NDFIP2: variants seen among roughly 807,000 people sequenced by gnomAD.
NDFIP2 encodes the protein NEDD4 family-interacting protein 2.
In NDFIP2, 19 loss-of-function variants were observed where a neutral mutation model predicts 36.0. The ratio of observed to expected loss-of-function variants is 0.53; its 90% CI spans 0.37 to 0.77. The LOEUF is 0.77. Ranked by LOEUF, NDFIP2 falls within the 30% of genes least tolerant of loss-of-function variation. The pLI is 0.00. For synonymous variants in NDFIP2, 181 were observed against 167.7 expected, an observed-to-expected ratio of 1.08 and a Z score of -0.61; for missense variants, 446 against 435.8, an observed-to-expected ratio of 1.02 and a Z score of -0.21.
Position 79,553,586 on chromosome 13 carries a change from A to G in NDFIP2, c.*1073A>G, listed in dbSNP as rs187357067. ...AGCTTAGCAAATAAAATCTTGTACT[A>G]TGAATAGCTTCTTGCTTTATGACTT... On this transcript the variant is annotated 3_prime_UTR_variant, in exon 8 of 8. Transcript: ENST00000218652. The G allele has an allele frequency of 1.2e-3, 177 of 151,956 alleles. 1 individual carries two copies. Among genetic ancestry groups the G allele is most frequent in the Admixed American group, 3.3e-3 (50 of 15,202 alleles). 9.4% of individuals were successfully genotyped at this position (151,956 alleles called of 1,614,324 possible). A position where few individuals can be genotyped will look rare whatever the true frequency, so the allele number is the denominator to read the frequency against.
intron 1 of NDFIP2, among the ~76,000 whole-genome samples, chr13:79,501,567 T>A (rs1387039498): frequency 1.3e-5 from 2 of 152,102 alleles, no homozygotes; most frequent in African/African-American, 2.4e-5. Context: ...TGAGTGATAG[T>A]GTGTATATAT....
intron 1 of NDFIP2, among the ~76,000 whole-genome samples, chr13:79,510,399 C>G (rs773864440): frequency 5.3e-5 from 8 of 150,300 alleles, no homozygotes; most frequent in Non-Finnish European, 8.9e-5. Flanking sequence ...TTTTTTTGAC[C>G]CTTTTTACTT....
intron 1 of NDFIP2, among the ~76,000 whole-genome samples, chr13:79,493,261 A>T (rs1873313659): frequency 6.6e-6 from 1 of 152,202 alleles, no homozygotes; most frequent in African/African-American, 2.4e-5. Context: ...ATATTTTATT[A>T]TGTTTATAAA....
At chr13:79,495,022 CTCTT>C (rs1043040888) in intron 1 of NDFIP2, among the ~76,000 whole-genome samples, 16 of 151,422 alleles carry the variant, frequency 1.1e-4, no homozygotes, top group Non-Finnish European at 2.4e-4. Flanking sequence ...TACTGTTTTT[CTCTT>C]TCTGTTATGG....
At chr13:79,512,494 T>C (rs553486818) in intron 1 of NDFIP2, among the ~76,000 whole-genome samples, 2 of 150,860 alleles carry the variant, frequency 1.3e-5, no homozygotes, top group East Asian at 1.9e-4. Context: ...AGTGAGAAAA[T>C]AGGAACAGAT....
chr13:79,496,673 A>T (rs1305429382), intron 1 of NDFIP2, among the ~76,000 whole-genome samples: 1 of 58,130 alleles, frequency 1.7e-5, no homozygotes, highest in African/African-American at 4.1e-5. Flanking sequence ...AATTCCACAT[A>T]AAAAAAACTT....
chr13:79,536,161 A>G (rs913847179), intron 3 of NDFIP2, among the ~76,000 whole-genome samples: 3 of 152,358 alleles, frequency 2.0e-5, no homozygotes, highest in Admixed American at 2.0e-4. Context: ...ATTTCTATGA[A>G]AAATGCTAAT....
intron 2 of NDFIP2, among the ~76,000 whole-genome samples, chr13:79,521,836 T>TC (rs1874595583): frequency 6.6e-6 from 1 of 150,678 alleles, no homozygotes; most frequent in Non-Finnish European, 1.5e-5. Context: ...TTTTTTTTTT[T>TC]TTTTGAGACG....
intron 1 of NDFIP2, among the ~76,000 whole-genome samples, chr13:79,495,783 C>T (rs1260652208): frequency 6.6e-6 from 1 of 151,610 alleles, no homozygotes; most frequent in Non-Finnish European, 1.5e-5. Context: ...CCTTTTCTAT[C>T]TTCTTTTGGA....
intron 1 of NDFIP2, among the ~76,000 whole-genome samples, chr13:79,498,512 T>C (rs1873534792): frequency 6.6e-6 from 1 of 152,036 alleles, no homozygotes; most frequent in African/African-American, 2.4e-5. Flanking sequence ...TTGTGTAGTT[T>C]ATAAGAAAAT....
Position 79,526,536 on chromosome 13 carries a change from G to T in NDFIP2, c.487+5561G>T, listed in dbSNP as rs1594853464. ...ACAGTGAGTAGGGGAATGTTAGCAGGTCAACAAAAGAGAAGCTGGAGAGTT... is the reference window on the plus strand; with the variant it reads ...ACAGTGAGTAGGGGAATGTTAGCAGTTCAACAAAAGAGAAGCTGGAGAGTT... On this transcript the variant is annotated intron_variant, in intron 2 of 7. Transcript: ENST00000218652. Among the ~76,000 whole-genome samples the T allele has an allele frequency of 2.0e-5, 3 of 152,268 alleles. No homozygotes were observed. In the East Asian group the frequency reaches 5.8e-4, roughly 29 times the overall value.
In NDFIP2 at chr13:79,552,726, G is replaced by A. The variant is rs2137122350; in HGVS notation, c.*213G>A. The A allele has an allele frequency of 6.6e-6, 1 of 151,946 alleles. No homozygotes were observed. Among genetic ancestry groups the A allele is most frequent in the South Asian group, 2.1e-4 (1 of 4,826 alleles). The allele number at this position is 151,946 out of a possible 1,614,324, so 9.4% of individuals were successfully genotyped here. On this transcript the variant is annotated 3_prime_UTR_variant, in exon 8 of 8. Coordinates refer to ENST00000218652, the MANE Select transcript of NDFIP2 (RefSeq NM_019080.3). ...TATATTTCATTTGTTTTGCACATATGCATATGTGCCCATTTAAGATATTTG... is the reference window on the plus strand; with the variant it reads ...TATATTTCATTTGTTTTGCACATATACATATGTGCCCATTTAAGATATTTG...
At chr13:79,497,332 A>G (rs1024431777) in intron 1 of NDFIP2, among the ~76,000 whole-genome samples, 19 of 151,942 alleles carry the variant, frequency 1.3e-4, no homozygotes, top group Non-Finnish European at 4.4e-5. Context: ...GCTCCATTCC[A>G]TGCTTCCTCT....
At chr13:79,533,901 A>C (rs1018794999) in intron 3 of NDFIP2, among the ~76,000 whole-genome samples, 2 of 152,064 alleles carry the variant, frequency 1.3e-5, no homozygotes, top group African/African-American at 4.8e-5. Flanking sequence ...TGTATTGTTG[A>C]AGGGTTACTG....
chr13:79,516,732 G>C (rs2137081023), intron 1 of NDFIP2, among the ~76,000 whole-genome samples: 1 of 152,196 alleles, frequency 6.6e-6, no homozygotes, highest in Middle Eastern at 3.4e-3. Flanking sequence ...AAAGAAACAA[G>C]AAGAGGTCAC....
At chr13:79,500,641 C>A (rs1873628702) in intron 1 of NDFIP2, among the ~76,000 whole-genome samples, 1 of 151,892 alleles carries the variant, frequency 6.6e-6, no homozygotes, top group African/African-American at 2.4e-5. Context: ...TACGATGGCC[C>A]AAATTCAGAA....
At chr13:79,532,252 C>T (rs1018405994) in intron 2 of NDFIP2, among the ~76,000 whole-genome samples, 5 of 152,124 alleles carry the variant, frequency 3.3e-5, no homozygotes, top group Non-Finnish European at 7.3e-5. Flanking sequence ...GTGGAATTGC[C>T]GCCGCAAACC....
intron 5 of NDFIP2, among the ~76,000 whole-genome samples, chr13:79,546,575 G>A (rs1875690170): frequency 1.3e-5 from 2 of 152,172 alleles, no homozygotes; most frequent in Non-Finnish European, 2.9e-5. Context: ...TTAGGCTTAT[G>A]ATTTTAGTAT....
intron 1 of NDFIP2, among the ~76,000 whole-genome samples, chr13:79,505,175 A>G (rs1280868862): frequency 1.3e-5 from 2 of 152,216 alleles, no homozygotes; most frequent in East Asian, 1.9e-4. Context: ...ATAATGGCTT[A>G]CTGCTACTGT....
Sources: allele counts gnomAD v4.1 joint callset (sites outside exome capture counted in the v4.1 genomes callset), GRCh38; gene constraint gnomAD v4.1.1; transcripts MANE v1.5; gene names NCBI Gene and HGNC (gene_info 2026-07-23, HGNC 2026-07-21).